The following NDUFAF7 variants were observed in gnomAD, a reference collection of about 807,000 sequenced individuals.
The protein encoded by NDUFAF7 is protein arginine methyltransferase NDUFAF7, mitochondrial.
NDUFAF7 carries 48 observed loss-of-function variants against 47.2 expected under a neutral mutation model. The observed-to-expected ratio is 1.02, with a 90% CI of 0.81 to 1.29. The LOEUF (loss-of-function observed/expected upper bound fraction) is 1.29. Ranked by LOEUF, NDUFAF7 falls within the 50% of genes most tolerant of loss-of-function variation. NDUFAF7 has a pLI of 0.00. For synonymous variants in NDUFAF7, 217 were observed against 190.0 expected (o/e 1.14, Z -1.17); for missense variants, 635 against 537.6 (o/e 1.18, Z -1.79).
the NDUFAF7 span, chr2:37,269,309 A>C: frequency 0.018 from 6,105 of 331,310 alleles, 347 homozygotes; most frequent in African/African-American, 0.12. Flanking sequence ...AAGCCCACTC[A>C]GCCCAACATA....
chr2:37,252,781 A>G (rs1437677276), downstream of NDUFAF7: 1 of 151,490 alleles, frequency 6.6e-6, no homozygotes, highest in Non-Finnish European at 1.5e-5. Flanking sequence ...TAGCCAAGCT[A>G]TATAGTAACT....
Position 37,232,990 on chromosome 2 carries a change from G to C in NDUFAF7, c.216+724G>C, listed in dbSNP as rs555244284. 3.6e-4 allele frequency among the ~76,000 whole-genome samples: 55 copies of C among 152,304 alleles called. 1 individual carries two copies. In the South Asian group the frequency reaches 0.011, roughly 31 times the overall value. On this transcript the variant is annotated intron_variant, in intron 2 of 9. Transcript: ENST00000002125. ...TATGGTAGTGTGACTCTAGTGTCGA[G>C]GTTTACCCAAGGCCGGTATCTTTCT...
chr2:37,266,902 G>C, the NDUFAF7 span, among the ~76,000 whole-genome samples: 1 of 152,276 alleles, frequency 6.6e-6, no homozygotes, highest in African/African-American at 2.4e-5. Flanking sequence ...CAAGGATCAA[G>C]CTAAATTTTA....
At chr2:37,257,247 A>G (rs186711503), downstream of NDUFAF7, among the ~76,000 whole-genome samples, 106 of 152,252 alleles carry the variant, frequency 7.0e-4, 1 homozygote, top group African/African-American at 2.5e-3. Context: ...GCTGCTTTCT[A>G]TCATTTGTCT....
chr2:37,252,719 C>CT (rs1667592313), downstream of NDUFAF7: 1 of 151,622 alleles, frequency 6.6e-6, no homozygotes, highest in South Asian at 2.1e-4. Flanking sequence ...CTCACAGTTA[C>CT]CTCTTAAATA....
At chr2:37,267,197 T>C in the NDUFAF7 span, among the ~76,000 whole-genome samples, 6 of 152,202 alleles carry the variant, frequency 3.9e-5, no homozygotes. Context: ...ATCCTAAGTA[T>C]TTTAAGCTCC....
At chr2:37,262,865 T>C in the NDUFAF7 span, among the ~76,000 whole-genome samples, 1,045 of 152,130 alleles carry the variant, frequency 6.9e-3, 7 homozygotes, top group African/African-American at 0.024. Context: ...ATTTATCTGA[T>C]AGAGATGAGC....
the NDUFAF7 span, chr2:37,267,460 A>T: frequency 1.2e-6 from 2 of 1,608,120 alleles, no homozygotes; most frequent in South Asian, 2.2e-5. Context: ...TACGGAGTTG[A>T]CTTTCTTGTT....
downstream of NDUFAF7, among the ~76,000 whole-genome samples, chr2:37,257,716 C>T (rs993991274): frequency 6.6e-6 from 1 of 150,424 alleles, no homozygotes; most frequent in Non-Finnish European, 1.5e-5. Context: ...TAAAAACATC[C>T]CTTGTTTTGC....
chr2:37,256,526 T>C, downstream of NDUFAF7: 1 of 1,181,750 alleles, frequency 8.5e-7, no homozygotes, highest in Non-Finnish European at 1.1e-6. Context: ...GGTAACTAGT[T>C]GAATTTGGAA....
chr2:37,234,656 G>C (rs1264330365), intron 2 of NDUFAF7, among the ~76,000 whole-genome samples: 1 of 152,138 alleles, frequency 6.6e-6, no homozygotes, highest in African/African-American at 2.4e-5. Context: ...AAATGGGAGT[G>C]ACTTGATTTA....
At position 37,231,671 on chromosome 2, in the gene NDUFAF7, C is replaced by G. The variant is rs1463989450; in HGVS notation, c.-35C>G. On this transcript the variant is annotated 5_prime_UTR_variant, in exon 1 of 10. Transcript: ENST00000002125. ...CTCCCGGAAATGGTCTAAGCCCCAG[C>G]TCCTGGCGGAGCGAGCTAGCCTGCG... The G allele has an allele frequency of 6.2e-7, 1 of 1,612,198 alleles. No individual in the cohort carries two copies. The highest frequency in any genetic ancestry group is 8.5e-7 in the Non-Finnish European group (1 of 1,178,820).
chr2:37,252,476 T>C (rs1667573998), downstream of NDUFAF7: 1 of 152,204 alleles, frequency 6.6e-6, no homozygotes, highest in African/African-American at 2.4e-5. Context: ...TCTTAGAAGC[T>C]GTTGCAACAC....
downstream of NDUFAF7, among the ~76,000 whole-genome samples, chr2:37,254,932 G>A (rs552206515): frequency 6.6e-6 from 1 of 152,294 alleles, no homozygotes; most frequent in Middle Eastern, 3.4e-3. Context: ...TTTGGAGAAT[G>A]ATCAATTGCA....
downstream of NDUFAF7, chr2:37,256,942 GGAT>G (rs760975741): frequency 6.2e-6 from 10 of 1,613,448 alleles, no homozygotes; most frequent in Non-Finnish European, 8.5e-6. Flanking sequence ...GGAAATTGAA[GGAT>G]GATGTTAATT....
Position 37,248,514 on chromosome 2 carries a change from T to TTG in NDUFAF7, c.*167_*168dup. 1.4e-6 allele frequency: 1 copy of TTG among 727,476 alleles called. No individual in the cohort carries two copies. The highest frequency in any genetic ancestry group is 2.4e-6 in the Non-Finnish European group (1 of 423,262). 45.1% of individuals were successfully genotyped at this position (727,476 alleles called of 1,614,324 possible). A position where few individuals can be genotyped will look rare whatever the true frequency, so the allele number is the denominator to read the frequency against. ...AACCAACATTATAGAACTTTTAGGGTTGTGACTGGCTTTGGTGCAAATGTG... is the reference window on the plus strand; with the variant it reads ...AACCAACATTATAGAACTTTTAGGGTTGTGTGACTGGCTTTGGTGCAAATGTG... On this transcript the variant is annotated 3_prime_UTR_variant, in exon 10 of 10. Coordinates refer to ENST00000002125, the MANE Select transcript of NDUFAF7 (RefSeq NM_144736.5).
At chr2:37,247,762 T>C (rs1667086243) in intron 9 of NDUFAF7, 133 bp downstream of exon 9, 1 of 1,099,980 alleles carries the variant, frequency 9.1e-7, no homozygotes, top group Non-Finnish European at 1.3e-6. Flanking sequence ...TTTCAGGTAG[T>C]ATAGGATTTA....
intron 7 of NDUFAF7, among the ~76,000 whole-genome samples, chr2:37,244,195 A>G (rs1666676333): frequency 6.6e-6 from 1 of 152,156 alleles, no homozygotes; most frequent in Non-Finnish European, 1.5e-5. Flanking sequence ...GTAGTAAGAG[A>G]AAGTAAGTAA....
At chr2:37,233,052 C>T (rs1665350744) in intron 2 of NDUFAF7, among the ~76,000 whole-genome samples, 1 of 152,118 alleles carries the variant, frequency 6.6e-6, no homozygotes, top group African/African-American at 2.4e-5. Context: ...AGATAGGTGG[C>T]TTAGACTAGT....
Sources: gnomAD v4.1 joint callset for allele counts (sites outside exome capture counted in the v4.1 genomes callset) on GRCh38, gnomAD v4.1.1 for gene constraint, MANE v1.5 for transcripts, NCBI Gene and HGNC (gene_info 2026-07-23, HGNC 2026-07-21) for gene names.